ZNF181: variants seen among roughly 807,000 people sequenced by gnomAD.
ZNF181 encodes the protein zinc finger protein 181 (HHZ181).
Under a neutral mutation model 11.9 loss-of-function variants are expected in ZNF181, and 8 were observed. The ratio of observed to expected loss-of-function variants is 0.67; its 90% CI spans 0.39 to 1.21. The LOEUF is 1.21. ZNF181 is among the 50% of genes most tolerant of loss of function. The pLI is 0.01. For missense variants in ZNF181, 542 were observed against 670.9 expected, an observed-to-expected ratio of 0.81 and a Z score of 2.12; for synonymous variants, 202 against 221.1, an observed-to-expected ratio of 0.91 and a Z score of 0.77.
chr19:34,736,479 G>A (rs2068891112), intron 1 of ZNF181, among the ~76,000 whole-genome samples: 1 of 152,158 alleles, frequency 6.6e-6, no homozygotes, highest in African/African-American at 2.4e-5. Context: ...AAACACTTAG[G>A]AAGTATCTGT....
chr19:34,737,735 G>C (rs758860583), intron 1 of ZNF181, among the ~76,000 whole-genome samples: 1 of 152,216 alleles, frequency 6.6e-6, no homozygotes, highest in Non-Finnish European at 1.5e-5. Context: ...AGAAGCAGGA[G>C]GTGGTGGTTT....
chr19:34,740,383 T>C lies in ZNF181; in HGVS notation c.230-228T>C, dbSNP rs182733473. Among the ~76,000 whole-genome samples, 191 of 152,340 alleles carry C rather than the reference T, an allele frequency of 1.3e-3. 1 individual carries two copies. Among genetic ancestry groups the C allele is most frequent in the Non-Finnish European group, 1.9e-3 (132 of 68,038 alleles). On this transcript the variant is annotated intron_variant, in intron 3 of 3. Coordinates refer to ENST00000492450, the MANE Select transcript of ZNF181 (RefSeq NM_001029997.4). ...TCCATACTATTTCATCCATTACATA[T>C]ATTTTTCCCATTTCCATTATCACAC...
At chr19:34,739,440 T>G in intron 2 of ZNF181, 83 bp from the exon 3 acceptor site, 7 of 1,586,896 alleles carry the variant, frequency 4.4e-6, no homozygotes, top group Middle Eastern at 1.9e-4. Context: ...TGAATACCCT[T>G]CATCCCTTCC....
intron 1 of ZNF181, among the ~76,000 whole-genome samples, chr19:34,735,915 C>T (rs1193376599): frequency 6.6e-6 from 1 of 152,206 alleles, no homozygotes; most frequent in Non-Finnish European, 1.5e-5. Context: ...ATCGCAGTCA[C>T]CTTCCCTCGC....
Position 34,741,615 on chromosome 19 carries a change from A to T in ZNF181, c.1234A>T (p.Lys412Ter). The change falls in exon 4 of 4, where the codon AAA (lysine) becomes TAA (stop). Residue 412 changes from lysine (K) to a stop codon, truncating the protein, a stop_gained. Transcript: ENST00000492450. LOFTEE classifies it low-confidence loss of function (END_TRUNC). ...EKQYECNKCL[K>*]VFSSLSFLVQ... ...ACAATATGAATGCAACAAATGTCTG[A>T]AAGTCTTTAGTAGCCTCTCATTTCT... The T allele has an allele frequency of 1.2e-6, 2 of 1,613,986 alleles. No individual in the cohort carries two copies. The highest frequency in any genetic ancestry group is 1.7e-6 in the Non-Finnish European group (2 of 1,179,944).
chr19:34,739,006 TTAAC>T (rs2068927857), intron 1 of ZNF181, 138 bp from the exon 2 acceptor site: 3 of 1,233,166 alleles, frequency 2.4e-6, no homozygotes, highest in African/African-American at 1.5e-5. Flanking sequence ...CTATTATTAC[TTAAC>T]TGAGATCACA....
Position 34,734,787 on chromosome 19 carries a change from C to T in ZNF181, c.-251C>T. On this transcript the variant is annotated 5_prime_UTR_variant, in exon 1 of 4. Transcript: ENST00000492450. ...TTTTATTTACAGAGTAATTGATTTT[C>T]CTCGCAGGTGGCACCTGGTAAATGG... 1 of 503,908 alleles carries T rather than the reference C, an allele frequency of 2.0e-6. No homozygotes were observed. The highest frequency in any genetic ancestry group is 3.5e-6 in the Non-Finnish European group (1 of 285,790). The allele number at this position is 503,908 out of a possible 1,614,324, so 31.2% of individuals were successfully genotyped here. A position where few individuals can be genotyped will look rare whatever the true frequency, so the allele number is the denominator to read the frequency against.
At position 34,741,677 on chromosome 19, in the gene ZNF181, C is replaced by G; in HGVS notation, c.1296C>G (p.Pro432=). The part of the protein sequence containing the change: ...QHQSIHTEEK[P]FECQKCRKSF... ...AGAGTATTCATACTGAAGAAAAACC[C>G]TTTGAATGTCAGAAATGCAGGAAAT... The change falls in exon 4 of 4, where the codon CCC becomes CCG. Residue 432 remains proline (P), a synonymous_variant. Coordinates refer to ENST00000492450, the MANE Select transcript of ZNF181 (RefSeq NM_001029997.4). 5.0e-6 allele frequency: 8 copies of G among 1,613,678 alleles called. No individual in the cohort carries two copies. The highest frequency in any genetic ancestry group is 3.3e-5 in the South Asian group (3 of 91,038).
rs2049989708 is a variant in ZNF181 at position 34,745,133 on chromosome 19, C to T, written c.*3036C>T. 1 of 152,106 alleles carries T rather than the reference C, an allele frequency of 6.6e-6. No individual in the cohort carries two copies. Among genetic ancestry groups the T allele is most frequent in the African/African-American group, 2.4e-5 (1 of 41,422 alleles). The allele number at this position is 152,106 out of a possible 1,614,324, so 9.4% of individuals were successfully genotyped here. ...GATGTCACTGACATCATATTATTTC[C>T]TCAGTCATACCTATTAACCATTTCT... On this transcript the variant is annotated 3_prime_UTR_variant, in exon 4 of 4. Transcript: ENST00000492450.
intron 1 of ZNF181, chr19:34,736,159 G>C: frequency 1.4e-6 from 1 of 703,052 alleles, no homozygotes; most frequent in Non-Finnish European, 2.6e-6. Context: ...TGACGAACTG[G>C]TGGGGCAGAA....
rs779569827 is a variant in ZNF181, at chr19:34,739,228, G to A, written c.90G>A (p.Lys30=). ...GTTCTGCTCAGAGGGACTTATACAA[G>A]GATGTGATGGTCCAGAATTATGAGA... ...WLSSAQRDLY[K]DVMVQNYENL... The change falls in exon 2 of 4, where the codon AAG becomes AAA. Residue 30 remains lysine, a synonymous_variant. Coordinates refer to ENST00000492450, the MANE Select transcript of ZNF181 (RefSeq NM_001029997.4). 6.2e-7 allele frequency: 1 copy of A among 1,613,830 alleles called. No homozygotes were observed. Among genetic ancestry groups the A allele is most frequent in the East Asian group, 2.2e-5 (1 of 44,888 alleles).
chr19:34,744,778 T>C lies in ZNF181; in HGVS notation c.*2681T>C, dbSNP rs1282405660. ...ATGAGAGTAGCTTTCTTTTCTCTCA[T>C]TCTGTGTCCTTTCTCTGCTCTCCCA... On this transcript the variant is annotated 3_prime_UTR_variant, in exon 4 of 4. Transcript: ENST00000492450. 6.6e-6 allele frequency: 1 copy of C among 152,230 alleles called. No individual in the cohort carries two copies. The highest frequency in any genetic ancestry group is 2.4e-5 in the African/African-American group (1 of 41,458). 9.4% of individuals were successfully genotyped at this position (152,230 alleles called of 1,614,324 possible). A position where few individuals can be genotyped will look rare whatever the true frequency, so the allele number is the denominator to read the frequency against.
In ZNF181 at chr19:34,741,136, T is replaced by C; in HGVS notation, c.755T>C (p.Leu252Pro). ...AAAGCCTTTGGCAAACAGTCAATCC[T>C]CAATCGCCACTGGAGAATTCATACA... ...CGKAFGKQSI[L>P]NRHWRIHTGE... is the part of the protein sequence containing the mutation. The change falls in exon 4 of 4, where the codon CTC becomes CCC. Residue 252 changes from leucine (L) to proline (P), a missense_variant. Coordinates refer to ENST00000492450, the MANE Select transcript of ZNF181 (RefSeq NM_001029997.4). 1 of 1,614,128 alleles carries C rather than the reference T, an allele frequency of 6.2e-7. No homozygotes were observed.
chr19:34,734,993 G>A lies in ZNF181; in HGVS notation c.-45G>A. ...AGGACACTGCCCATCTCTAAGATAA[G>A]AGCCTGGAAAGAGGACTCTGTTGGC... On this transcript the variant is annotated 5_prime_UTR_variant, in exon 1 of 4. Transcript: ENST00000492450. 1 of 1,569,046 alleles carries A rather than the reference G, an allele frequency of 6.4e-7. No individual in the cohort carries two copies. The highest frequency in any genetic ancestry group is 8.6e-7 in the Non-Finnish European group (1 of 1,156,258).
In ZNF181 at chr19:34,739,758, G is replaced by A. The variant is rs1418157806; in HGVS notation, c.229+137G>A. The A allele has an allele frequency of 1.1e-5, 10 of 881,530 alleles. No individual in the cohort carries two copies. The African/African-American group carries it at 1.7e-4, about 15-fold the overall frequency. The allele number at this position is 881,530 out of a possible 1,614,324, so 54.6% of individuals were successfully genotyped here. The stretch of plus-strand genomic sequence containing the variant: ...TCTCAGATAGAAATGAAAAATTGTG[G>A]GATATTTAGCTTAGATTTTCAAAAC... On this transcript the variant is annotated intron_variant, in intron 3 of 3. Transcript: ENST00000492450.
rs752908592 is a variant in ZNF181, at chr19:34,741,794, T to C, written c.1413T>C (p.Ser471=). 27 of 1,613,832 alleles carry C rather than the reference T, an allele frequency of 1.7e-5. No individual in the cohort carries two copies. The highest frequency in any genetic ancestry group is 2.3e-5 in the Non-Finnish European group (27 of 1,179,926). Reference sequence around the variant, plus strand: ...GCAGTATATGTGGGAAAGCCTTTAGTCATAGGTCATCCCTGCTTCAACATC... The same window carrying C: ...GCAGTATATGTGGGAAAGCCTTTAGCCATAGGTCATCCCTGCTTCAACATC... The part of the protein sequence containing the change: ...YECSICGKAF[S]HRSSLLQHHR... The change falls in exon 4 of 4, where the codon AGT becomes AGC. Residue 471 remains serine, a synonymous_variant. Coordinates refer to ENST00000492450, the MANE Select transcript of ZNF181 (RefSeq NM_001029997.4).
rs959859941 is a variant in ZNF181 at position 34,743,064 on chromosome 19, T to G, written c.*967T>G. The G allele has an allele frequency of 3.9e-5, 6 of 152,216 alleles. No homozygotes were observed. The highest frequency in any genetic ancestry group is 3.9e-4 in the Admixed American group (6 of 15,286). The allele number at this position is 152,216 out of a possible 1,614,324, so 9.4% of individuals were successfully genotyped here. A position where few individuals can be genotyped will look rare whatever the true frequency, so the allele number is the denominator to read the frequency against. On this transcript the variant is annotated 3_prime_UTR_variant, in exon 4 of 4. Coordinates refer to ENST00000492450, the MANE Select transcript of ZNF181 (RefSeq NM_001029997.4). ...TCAAATACATTTCAAAAAAATTTAC[T>G]GAGCATCACTCGTGTATTATTACAC... is the stretch of plus-strand genomic sequence containing the variant.
rs1156358778 is a variant in ZNF181, at chr19:34,741,006, CTT to C, written c.628_629del (p.Leu210GlufsTer3). The C allele has an allele frequency of 1.2e-6, 2 of 1,614,110 alleles. No individual in the cohort carries two copies. Among genetic ancestry groups the C allele is most frequent in the Non-Finnish European group, 1.7e-6 (2 of 1,179,982 alleles). On this transcript the variant is annotated frameshift_variant, in exon 4 of 4. Coordinates refer to ENST00000492450, the MANE Select transcript of ZNF181 (RefSeq NM_001029997.4). LOFTEE classifies it low-confidence loss of function (END_TRUNC). ...TGAGAAAGTCAATGGTGGAAAGAAACTTTTGAATTCTAATAAAAGTGGGGCAG... is the reference window on the plus strand; with the variant it reads ...TGAGAAAGTCAATGGTGGAAAGAAACTTGAATTCTAATAAAAGTGGGGCAG... ...KNEKVNGGKK[L>X]LNSNKSGAAF...
chr19:34,740,565 G>C, intron 3 of ZNF181, 46 bp from the exon 4 acceptor site: 1 of 1,352,110 alleles, frequency 7.4e-7, no homozygotes, highest in Non-Finnish European at 9.9e-7. Flanking sequence ...TTTTCAAATA[G>C]TTAAAAAAAA....
Sources: gnomAD v4.1 joint callset for allele counts (sites outside exome capture counted in the v4.1 genomes callset) on GRCh38, gnomAD v4.1.1 for gene constraint, MANE v1.5 for transcripts, NCBI Gene and HGNC (gene_info 2026-07-23, HGNC 2026-07-21) for gene names.